Variants in SERPINB7 observed in about 807,000 individuals in gnomAD.
The protein encoded by SERPINB7 is serpin family B member 7, also known as serpin B7.
A neutral mutation model predicts 37.4 loss-of-function variants in SERPINB7; 31 were observed. The ratio of observed to expected loss-of-function variants is 0.83; its 90% CI spans 0.62 to 1.12. The LOEUF (loss-of-function observed/expected upper bound fraction) is 1.12, where lower values mean the gene tolerates loss of function less well. SERPINB7 is among the 50% of genes most tolerant of loss of function. The probability of loss-of-function intolerance (pLI) is 0.00; values close to 1 mark genes in which losing one functional copy is unlikely to be tolerated. For synonymous variants in SERPINB7, 163 were observed against 166.1 expected (o/e 0.98, Z 0.14); for missense variants, 521 against 455.3 (o/e 1.14, Z -1.31).
At chr18:63,801,954 T>C (rs1007996400) in intron 7 of SERPINB7, among the ~76,000 whole-genome samples, 13 of 152,288 alleles carry the variant, frequency 8.5e-5, no homozygotes, top group African/African-American at 3.1e-4. Flanking sequence ...AATCATGTGG[T>C]CTTTCATTAG....
intron 4 of SERPINB7, among the ~76,000 whole-genome samples, chr18:63,794,110 AT>A (rs34450022): frequency 0.033 from 3,526 of 105,548 alleles, 78 homozygotes; most frequent in African/African-American, 0.11. Flanking sequence ...CATCCTGCTA[AT>A]TTTTTTTTTT....
chr18:63,785,409 C>A (rs1445572397), intron 2 of SERPINB7, among the ~76,000 whole-genome samples: 1 of 152,128 alleles, frequency 6.6e-6, no homozygotes, highest in African/African-American at 2.4e-5. Flanking sequence ...TTAACCCAAT[C>A]TTTTTAAACA....
At chr18:63,774,634 G>A (rs937107957), upstream of SERPINB7, among the ~76,000 whole-genome samples, 1 of 152,054 alleles carries the variant, frequency 6.6e-6, no homozygotes, top group South Asian at 2.1e-4. Flanking sequence ...ACAAACTCTA[G>A]CCTGTATTAT....
chr18:63,774,313 G>A (rs538015265), upstream of SERPINB7, among the ~76,000 whole-genome samples: 8 of 152,122 alleles, frequency 5.3e-5, no homozygotes, highest in African/African-American at 1.9e-4. Context: ...ATTGAGAGGC[G>A]AGCAACTGTA....
chr18:63,782,596 C>T, intron 2 of SERPINB7, 56 bp downstream of exon 2: 1 of 1,493,774 alleles, frequency 6.7e-7, no homozygotes, highest in Non-Finnish European at 9.1e-7. Flanking sequence ...CCCACGAGAA[C>T]ATTTCGTTGC....
intron 1 of SERPINB7, among the ~76,000 whole-genome samples, chr18:63,780,591 AC>A (rs1434497905): frequency 6.6e-6 from 1 of 152,106 alleles, no homozygotes; most frequent in Non-Finnish European, 1.5e-5. Context: ...AATTGCCACA[AC>A]TTTTTACCCG....
At chr18:63,791,261 CAT>C (rs1288490934) in intron 2 of SERPINB7, among the ~76,000 whole-genome samples, 1 of 152,146 alleles carries the variant, frequency 6.6e-6, no homozygotes, top group African/African-American at 2.4e-5. Flanking sequence ...GCACATTCTA[CAT>C]ATGTATCCCA....
At chr18:63,776,739 T>A (rs1189159766) in intron 1 of SERPINB7, among the ~76,000 whole-genome samples, 1 of 151,510 alleles carries the variant, frequency 6.6e-6, no homozygotes, top group South Asian at 2.1e-4. Context: ...ATTAAGACTA[T>A]GATAATTTTA....
At chr18:63,765,442 C>G (rs923558557) in intron 1 of SERPINB7, among the ~76,000 whole-genome samples, 1 of 152,074 alleles carries the variant, frequency 6.6e-6, no homozygotes, top group Admixed American at 6.6e-5. Context: ...CCACTCTTGT[C>G]CATCTCTGAT....
At chr18:63,798,848 A>G in intron 6 of SERPINB7, 102 bp downstream of exon 6, 2 of 1,245,766 alleles carry the variant, frequency 1.6e-6, no homozygotes, top group Middle Eastern at 2.0e-4. Context: ...ACCGTTTTAA[A>G]CCCATTTCTT....
chr18:63,796,288 A>T lies in SERPINB7; in HGVS notation c.359A>T (p.Lys120Ile). 6.2e-7 allele frequency: 1 copy of T among 1,612,400 alleles called. No individual in the cohort carries two copies. The highest frequency in any genetic ancestry group is 1.1e-5 in the South Asian group (1 of 91,006). The change falls in exon 5 of 8, where the codon AAA (lysine) becomes ATA (isoleucine). Residue 120 changes from lysine to isoleucine, a missense_variant. Lys to Ile is a moderately radical substitution (Grantham distance 102). Coordinates refer to ENST00000398019, the MANE Select transcript of SERPINB7 (RefSeq NM_003784.4). ...FHKDYIECAE[K>I]LYDAKVERVD... ...TAGGACTACATTGAGTGTGCCGAAA[A>T]ATTATACGATGCCAAAGTGGAGCGA... is the stretch of plus-strand genomic sequence containing the variant.
chr18:63,795,100 A>C (rs1599017429), intron 4 of SERPINB7, among the ~76,000 whole-genome samples: 1 of 152,232 alleles, frequency 6.6e-6, no homozygotes, highest in Non-Finnish European at 1.5e-5. Context: ...TATTATGTCC[A>C]AGGCAATGTG....
At chr18:63,785,928 G>T (rs112593893) in intron 2 of SERPINB7, among the ~76,000 whole-genome samples, 1 of 111,042 alleles carries the variant, frequency 9.0e-6, no homozygotes, top group Non-Finnish European at 1.7e-5. Context: ...TATAATATAC[G>T]TATATATACA....
chr18:63,793,178 A>G lies in SERPINB7; in HGVS notation c.237A>G (p.Gln79=). 1.3e-6 allele frequency: 2 copies of G among 1,583,158 alleles called. No individual in the cohort carries two copies. The highest frequency in any genetic ancestry group is 1.7e-6 in the Non-Finnish European group (2 of 1,161,520). The change falls in exon 4 of 8, where the codon CAA becomes CAG. Residue 79 remains glutamine, a synonymous_variant. Transcript: ENST00000398019. Reference sequence around the variant, plus strand: ...AATAACAGTCAGGGCTCCAGTCTCAACTGAAAAGAGTTTTTTCTGATATAA... The same window carrying G: ...AATAACAGTCAGGGCTCCAGTCTCAGCTGAAAAGAGTTTTTTCTGATATAA... ...SSNSQSGLQS[Q]LKRVFSDINA...
intron 1 of SERPINB7, among the ~76,000 whole-genome samples, chr18:63,759,170 T>A (rs772449592): frequency 7.2e-5 from 11 of 152,188 alleles, no homozygotes; most frequent in Non-Finnish European, 1.5e-4. Flanking sequence ...TTTTAATGCA[T>A]CTCATTTTTG....
At chr18:63,793,302 AGGAC>A in intron 4 of SERPINB7, 25 bp downstream of exon 4, 2 of 1,213,182 alleles carry the variant, frequency 1.6e-6, no homozygotes, top group Admixed American at 3.6e-5. Flanking sequence ...CTTTGTTAGA[AGGAC>A]CTGAATCTTG....
intron 7 of SERPINB7, among the ~76,000 whole-genome samples, chr18:63,802,914 T>C (rs546643079): frequency 5.3e-5 from 8 of 152,348 alleles, no homozygotes; most frequent in African/African-American, 1.9e-4. Flanking sequence ...AAATTGGTAC[T>C]ATTAAATCTA....
intron 2 of SERPINB7, among the ~76,000 whole-genome samples, chr18:63,786,996 T>C (rs2144622066): frequency 6.6e-6 from 1 of 152,300 alleles, no homozygotes; most frequent in East Asian, 1.9e-4. Flanking sequence ...TCAGCAAGTT[T>C]GTTTATACAT....
chr18:63,784,999 T>C (rs989530233), intron 2 of SERPINB7, among the ~76,000 whole-genome samples: 7 of 152,222 alleles, frequency 4.6e-5, no homozygotes, highest in African/African-American at 1.4e-4. Context: ...AGAGAGCTGC[T>C]GTTCTGCTGG....
Sources: allele counts gnomAD v4.1 joint callset (sites outside exome capture counted in the v4.1 genomes callset), GRCh38; gene constraint gnomAD v4.1.1; transcripts MANE v1.5; gene names NCBI Gene and HGNC (gene_info 2026-07-23, HGNC 2026-07-21).